The following HYDIN variants were observed in gnomAD, a reference collection of about 807,000 sequenced individuals.
HYDIN encodes the protein axonemal central pair apparatus protein HYDIN.
In HYDIN, 132 loss-of-function variants were observed where a neutral mutation model predicts 403.9. That is an observed-to-expected ratio of 0.33 (90% CI 0.28 to 0.38). The LOEUF (loss-of-function observed/expected upper bound fraction) is 0.38. Among genes scored for constraint, HYDIN ranks in the 10% least tolerant of loss-of-function variants. The pLI, the probability that HYDIN is intolerant of heterozygous loss-of-function variation, is 1.00. For missense variants in HYDIN, 2,827 were observed against 5,009.5 expected, an observed-to-expected ratio of 0.56 and a Z score of 13.15; for synonymous variants, 1,202 against 1,891.7, an observed-to-expected ratio of 0.64 and a Z score of 9.46.
chr16:70,878,619 C>T (rs1000764684), intron 62 of HYDIN, among the ~76,000 whole-genome samples: 1 of 149,092 alleles, frequency 6.7e-6, no homozygotes, highest in African/African-American at 2.6e-5. Context: ...AAGCTGGGTG[C>T]TTACTATCTC....
chr16:71,116,586 ATTT>A (rs2084044810), intron 9 of HYDIN, among the ~76,000 whole-genome samples: 1 of 151,918 alleles, frequency 6.6e-6, no homozygotes, highest in Non-Finnish European at 1.5e-5. Flanking sequence ...TCTATTTATG[ATTT>A]TTTGAGGAAT....
chr16:71,145,312 T>C (rs966205220), intron 7 of HYDIN, among the ~76,000 whole-genome samples: 9 of 152,082 alleles, frequency 5.9e-5, no homozygotes, highest in Non-Finnish European at 1.2e-4. Context: ...TGGAGTGTAG[T>C]GGCACGATCT....
At chr16:71,083,806 G>A (rs954321868) in intron 12 of HYDIN, among the ~76,000 whole-genome samples, 17 of 146,326 alleles carry the variant, frequency 1.2e-4, no homozygotes, top group Non-Finnish European at 1.7e-4. Context: ...CCAGTGTATC[G>A]ATGCTGCATA....
intron 1 of HYDIN, among the ~76,000 whole-genome samples, chr16:71,225,674 G>A (rs1454480031): frequency 1.3e-5 from 2 of 152,106 alleles, no homozygotes; most frequent in Non-Finnish European, 1.5e-5. Flanking sequence ...TAGAACTTGA[G>A]GTTCAGAAAG....
At chr16:70,948,743 C>A (rs1407539170) in intron 41 of HYDIN, among the ~76,000 whole-genome samples, 2 of 151,952 alleles carry the variant, frequency 1.3e-5, no homozygotes, top group Non-Finnish European at 2.9e-5. Flanking sequence ...GAATGCAAAT[C>A]AAAACCACAA....
intron 84 of HYDIN, 97 bp downstream of exon 84, chr16:70,818,245 C>G (rs2035974088): frequency 3.0e-6 from 2 of 661,526 alleles, no homozygotes. Context: ...CAGGGCTGGC[C>G]CACCCTCTGG....
rs1405849415 is a variant in HYDIN, at chr16:70,807,582, A to G, written c.15364T>C (p.Ter5122GlnextTer2). 2 of 1,607,762 alleles carry G rather than the reference A, an allele frequency of 1.2e-6. No homozygotes were observed. Among genetic ancestry groups the G allele is most frequent in the Non-Finnish European group, 1.7e-6 (2 of 1,176,544 alleles). The change falls in exon 86 of 86, where the codon TAG becomes CAG. Residue 5122 changes from the stop codon to glutamine, a stop_lost. Coordinates refer to ENST00000393567, the MANE Select transcript of HYDIN (RefSeq NM_001270974.2). ...WVYYLKGITL[*>Q] ...GATACAGGTAACCCTGGTTACCACT[A>G]AAGGGTGATCCCCTTCAGATAATAA...
intron 23 of HYDIN, among the ~76,000 whole-genome samples, chr16:71,009,892 C>T (rs1206529574): frequency 8.3e-6 from 1 of 120,512 alleles, no homozygotes; most frequent in Non-Finnish European, 1.6e-5. Flanking sequence ...GAGAGTGGCC[C>T]TGTCCATACC....
intron 9 of HYDIN, among the ~76,000 whole-genome samples, chr16:71,125,408 C>T (rs1048099130): frequency 1.4e-4 from 22 of 152,204 alleles, no homozygotes; most frequent in African/African-American, 4.8e-4. Flanking sequence ...TTCATTCATT[C>T]GTTTATTAGC....
At chr16:70,894,397 T>A in intron 55 of HYDIN, 52 bp downstream of exon 55, 1 of 1,610,840 alleles carries the variant, frequency 6.2e-7, no homozygotes, top group South Asian at 1.1e-5. Context: ...TTTCCCCACA[T>A]TCCTCCCCAC....
intron 60 of HYDIN, among the ~76,000 whole-genome samples, chr16:70,881,229 A>AG (rs1481689053): frequency 7.2e-6 from 1 of 138,186 alleles, no homozygotes; most frequent in African/African-American, 3.2e-5. Context: ...TGTCTCAAAA[A>AG]AAAAAAAAAA....
intron 3 of HYDIN, 131 bp from the exon 4 acceptor site, chr16:71,179,178 C>A: frequency 3.4e-6 from 2 of 596,748 alleles, no homozygotes; most frequent in Admixed American, 3.5e-5. Context: ...GAAATCCATA[C>A]CCAAGTACAT....
chr16:70,995,621 C>T (rs2079507240), intron 23 of HYDIN, among the ~76,000 whole-genome samples: 1 of 152,070 alleles, frequency 6.6e-6, no homozygotes, highest in African/African-American at 2.4e-5. Flanking sequence ...GATGAACAAG[C>T]TTGTATTTCA....
At chr16:71,066,119 T>G (rs945329335) in intron 15 of HYDIN, among the ~76,000 whole-genome samples, 1 of 152,160 alleles carries the variant, frequency 6.6e-6, no homozygotes, top group Non-Finnish European at 1.5e-5. Context: ...AGACCTTTTT[T>G]TTTTTTAATT....
chr16:71,087,103 A>G (rs892923843), intron 12 of HYDIN, among the ~76,000 whole-genome samples: 2 of 152,050 alleles, frequency 1.3e-5, no homozygotes, highest in Non-Finnish European at 2.9e-5. Context: ...AATGTTTCAG[A>G]TAAGTCTTGA....
intron 71 of HYDIN, among the ~76,000 whole-genome samples, chr16:70,859,114 AC>A (rs1334149680): frequency 6.6e-6 from 1 of 151,616 alleles, no homozygotes; most frequent in Non-Finnish European, 1.5e-5. Flanking sequence ...ATCCTGGCTA[AC>A]ACGGTGAAAC....
chr16:70,901,949 C>T (rs952913632), intron 52 of HYDIN, among the ~76,000 whole-genome samples: 1 of 152,168 alleles, frequency 6.6e-6, no homozygotes, highest in African/African-American at 2.4e-5. Context: ...CATTTCTTAA[C>T]CCTTTTTCGA....
chr16:70,885,847 A>C lies in HYDIN; in HGVS notation c.9775-1723T>G, dbSNP rs144136611. 9.8e-3 allele frequency among the ~76,000 whole-genome samples: 1,496 copies of C among 152,206 alleles called. 16 individuals carry two copies. Among genetic ancestry groups the C allele is most frequent in the Middle Eastern group, 0.082 (24 of 294 alleles). ...CTTGACAAGTGGAAACCACTTGAAA[A>C]GACATAAAAACCAACATGTAGAAAA... On this transcript the variant is annotated intron_variant, in intron 58 of 85. Coordinates refer to ENST00000393567, the MANE Select transcript of HYDIN (RefSeq NM_001270974.2).
intron 62 of HYDIN, among the ~76,000 whole-genome samples, chr16:70,876,093 C>T (rs1230672704): frequency 6.6e-6 from 1 of 151,576 alleles, no homozygotes; most frequent in Non-Finnish European, 1.5e-5. Context: ...GTATAGAAAT[C>T]CAGCAAGGTC....
Sources: gnomAD v4.1 joint callset for allele counts (sites outside exome capture counted in the v4.1 genomes callset) on GRCh38, gnomAD v4.1.1 for gene constraint, MANE v1.5 for transcripts, NCBI Gene and HGNC (gene_info 2026-07-23, HGNC 2026-07-21) for gene names.